The following RIMS1 variants were observed in gnomAD, a reference collection of about 807,000 sequenced individuals.
The protein encoded by RIMS1 is regulating synaptic membrane exocytosis 1.
Under a neutral mutation model 214.1 loss-of-function variants are expected in RIMS1, and 83 were observed. That is an observed-to-expected ratio of 0.39 (90% CI 0.32 to 0.47). The LOEUF (loss-of-function observed/expected upper bound fraction) is 0.47, where lower values mean the gene tolerates loss of function less well. RIMS1 is among the 20% of genes least tolerant of loss of function. The pLI, the probability that RIMS1 is intolerant of heterozygous loss-of-function variation, is 0.99. For synonymous variants in RIMS1, 793 were observed against 786.8 expected (o/e 1.01, Z -0.13); for missense variants, 2,050 against 2,161.8 (o/e 0.95, Z 1.03).
In RIMS1 at chr6:72,264,989, A is replaced by G. The variant is rs948921922; in HGVS notation, c.3131A>G (p.His1044Arg). ...CTACGTTCCAGACATCTTGTTAGGC[A>G]CTATAAAACATTACCTCCCAAGATG... ...CLHTTRHLVR[H>R]YKTLPPKMPL... Residue 1044 changes from histidine (H) to arginine (R), a missense_variant, in exon 20 of 34, where the codon CAC becomes CGC. Around this residue, in one of 6 missense-constraint regions of RIMS1, gnomAD observed 889 missense variants for 885.5 expected, o/e 1.00. Transcript: ENST00000521978. The G allele has an allele frequency of 3.1e-6, 5 of 1,592,176 alleles. No individual in the cohort carries two copies. The African/African-American group carries it at 4.0e-5, about 13-fold the overall frequency.
intron 29 of RIMS1, among the ~76,000 whole-genome samples, chr6:72,338,478 T>C (rs973695609): frequency 6.6e-6 from 1 of 152,008 alleles, no homozygotes; most frequent in Non-Finnish European, 1.5e-5. Flanking sequence ...TGGGATCTAA[T>C]TAAACTGAAG....
chr6:72,363,732 G>C (rs1209871903), intron 29 of RIMS1, among the ~76,000 whole-genome samples: 1 of 151,992 alleles, frequency 6.6e-6, no homozygotes, highest in Non-Finnish European at 1.5e-5. Context: ...CTTTAACCAG[G>C]GGTTTGCATT....
intron 4 of RIMS1, among the ~76,000 whole-genome samples, chr6:72,163,402 A>G (rs1253382319): frequency 7.1e-6 from 1 of 140,838 alleles, no homozygotes; most frequent in African/African-American, 2.5e-5. Context: ...GTCATTCTCC[A>G]TCCAGCTTTG....
At chr6:71,992,404 C>CTATCTTTCTT (rs200339642) in intron 2 of RIMS1, among the ~76,000 whole-genome samples, 13 of 110,080 alleles carry the variant, frequency 1.2e-4, no homozygotes, top group Non-Finnish European at 2.4e-4. Context: ...TTCTCTCTCT[C>CTATCTTTCTT]TCTTTCTTTC....
At chr6:72,359,115 A>G (rs2154381252) in intron 29 of RIMS1, among the ~76,000 whole-genome samples, 1 of 152,340 alleles carries the variant, frequency 6.6e-6, no homozygotes, top group Middle Eastern at 3.4e-3. Context: ...CAGAGCTGAG[A>G]GGCCAAAGAA....
chr6:72,389,694 G>A (rs2098671481), intron 29 of RIMS1, among the ~76,000 whole-genome samples: 1 of 152,116 alleles, frequency 6.6e-6, no homozygotes, highest in African/African-American at 2.4e-5. Flanking sequence ...AGAAACTAAA[G>A]CGAAAACCAG....
intron 2 of RIMS1, among the ~76,000 whole-genome samples, chr6:71,998,304 C>G (rs1488113328): frequency 6.6e-6 from 1 of 152,184 alleles, no homozygotes; most frequent in Non-Finnish European, 1.5e-5. Flanking sequence ...GTCCCCTCCA[C>G]TCTTCAGTTT....
At chr6:72,105,395 A>T (rs2034538645) in intron 4 of RIMS1, among the ~76,000 whole-genome samples, 1 of 152,130 alleles carries the variant, frequency 6.6e-6, no homozygotes, top group Non-Finnish European at 1.5e-5. Flanking sequence ...TGTTCATCTT[A>T]ATATAAACGT....
intron 23 of RIMS1, among the ~76,000 whole-genome samples, chr6:72,280,443 T>C (rs1310752058): frequency 1.3e-5 from 2 of 152,064 alleles, no homozygotes; most frequent in Non-Finnish European, 2.9e-5. Context: ...ATATTTTGGC[T>C]ATAATTTGGA....
chr6:71,905,183 T>C (rs1029101026), intron 1 of RIMS1, among the ~76,000 whole-genome samples: 9 of 152,138 alleles, frequency 5.9e-5, no homozygotes, highest in African/African-American at 2.2e-4. Flanking sequence ...GGACTTTTTT[T>C]TTTTATATGG....
intron 6 of RIMS1, among the ~76,000 whole-genome samples, chr6:72,225,549 C>T (rs1310819488): frequency 1.3e-5 from 2 of 152,126 alleles, no homozygotes; most frequent in Non-Finnish European, 2.9e-5. Flanking sequence ...CTTGTAATGT[C>T]TTTGCTGTGA....
intron 4 of RIMS1, among the ~76,000 whole-genome samples, chr6:72,153,633 C>G (rs1044697030): frequency 6.6e-6 from 1 of 152,082 alleles, no homozygotes; most frequent in Non-Finnish European, 1.5e-5. Context: ...GATAAAACTA[C>G]CCCCAGTATA....
chr6:72,139,745 C>A (rs957636987), intron 4 of RIMS1, among the ~76,000 whole-genome samples: 4 of 152,086 alleles, frequency 2.6e-5, no homozygotes, highest in African/African-American at 9.6e-5. Context: ...CAAAAGAATA[C>A]ATTTCCCTAA....
intron 26 of RIMS1, among the ~76,000 whole-genome samples, chr6:72,293,250 G>A (rs1360752391): frequency 6.6e-6 from 1 of 151,818 alleles, no homozygotes; most frequent in African/African-American, 2.4e-5. Flanking sequence ...TGCTAAAATG[G>A]TATTCATTTA....
chr6:72,134,919 G>T (rs970324055), intron 4 of RIMS1, among the ~76,000 whole-genome samples: 3 of 152,090 alleles, frequency 2.0e-5, no homozygotes, highest in African/African-American at 7.2e-5. Flanking sequence ...GAAAGAAAGG[G>T]AGTGATTATT....
chr6:72,098,093 A>G (rs2032381982), intron 3 of RIMS1, among the ~76,000 whole-genome samples: 2 of 152,144 alleles, frequency 1.3e-5, no homozygotes, highest in African/African-American at 2.4e-5. Flanking sequence ...TTAATAGATT[A>G]TAATACGAAG....
At chr6:72,261,800 T>G in intron 19 of RIMS1, 1 of 984,840 alleles carries the variant, frequency 1.0e-6, no homozygotes, top group South Asian at 4.7e-5. Flanking sequence ...GAAGTTATAC[T>G]ACTCATAACT....
chr6:72,271,282 A>ATATATATATATAT (rs751448635), intron 22 of RIMS1, among the ~76,000 whole-genome samples: 3 of 68,320 alleles, frequency 4.4e-5, no homozygotes, highest in South Asian at 4.8e-4. Flanking sequence ...AAAAAAAAAA[A>ATATATATATATAT]AAAAATATAT....
In RIMS1 at chr6:72,316,671, A is replaced by G. The variant is rs1412722005; in HGVS notation, c.4130+2999A>G. On this transcript the variant is annotated intron_variant, in intron 28 of 33. Transcript: ENST00000521978. ...CCCAAGCATGGCTGACCCAAATGTCATAGATGCTTTTATTGGGTGGCACCT... is the reference window on the plus strand; with the variant it reads ...CCCAAGCATGGCTGACCCAAATGTCGTAGATGCTTTTATTGGGTGGCACCT... 2.9e-5 allele frequency: 17 copies of G among 578,496 alleles called. No homozygotes were observed. In the African/African-American group the frequency reaches 3.0e-4, roughly 10 times the overall value. 35.8% of individuals were successfully genotyped at this position (578,496 alleles called of 1,614,324 possible). A position where few individuals can be genotyped will look rare whatever the true frequency, so the allele number is the denominator to read the frequency against.
Sources: allele counts gnomAD v4.1 joint callset (sites outside exome capture counted in the v4.1 genomes callset), GRCh38; gene constraint gnomAD v4.1.1; regional missense constraint gnomAD v4.1.1; transcripts MANE v1.5; gene names NCBI Gene and HGNC (gene_info 2026-07-23, HGNC 2026-07-21).